Variants in COL24A1 observed in about 807,000 individuals in gnomAD.
COL24A1 encodes collagen type XXIV alpha 1 chain.
A neutral mutation model predicts 253.9 loss-of-function variants in COL24A1; 224 were observed. That is an observed-to-expected ratio of 0.88 (90% confidence interval 0.79 to 0.99). The LOEUF (loss-of-function observed/expected upper bound fraction) is 0.99, where lower values mean the gene tolerates loss of function less well. Ranked by LOEUF, COL24A1 falls within the 50% of genes least tolerant of loss-of-function variation. The probability of loss-of-function intolerance (pLI) is 0.00; values close to 1 mark genes in which losing one functional copy is unlikely to be tolerated. For synonymous variants in COL24A1, 685 were observed against 673.7 expected, an observed-to-expected ratio of 1.02 and a Z score of -0.26; for missense variants, 2,131 against 2,068.5, an observed-to-expected ratio of 1.03 and a Z score of -0.59.
chr1:85,885,125 T>C (rs1411952143), intron 32 of COL24A1, among the ~76,000 whole-genome samples: 5 of 152,136 alleles, frequency 3.3e-5, no homozygotes, highest in African/African-American at 1.2e-4. Flanking sequence ...TTTCAGTATG[T>C]CCATCTTTTT....
intron 19 of COL24A1, among the ~76,000 whole-genome samples, chr1:86,012,953 A>ATGGCGGTGG (rs1553258283): frequency 6.6e-6 from 1 of 151,690 alleles, no homozygotes; most frequent in Non-Finnish European, 1.5e-5. Context: ...GTCTTCAATT[A>ATGGCGGTGG]TGGTGGTGGT....
intron 37 of COL24A1, among the ~76,000 whole-genome samples, chr1:85,857,916 AT>A (rs1436363072): frequency 1.3e-5 from 2 of 152,264 alleles, no homozygotes; most frequent in Admixed American, 1.3e-4. Context: ...GTAAGTACAA[AT>A]TTGTTGCTCT....
At chr1:85,847,815 T>C (rs377376458) in intron 38 of COL24A1, 43 bp from the exon 39 acceptor site, 1 of 1,260,900 alleles carries the variant, frequency 7.9e-7, no homozygotes, top group Non-Finnish European at 1.2e-6. Flanking sequence ...GAAAAAAATT[T>C]ATACTTAGAT....
chr1:85,921,948 A>G (rs573251671), intron 24 of COL24A1, among the ~76,000 whole-genome samples: 3 of 152,336 alleles, frequency 2.0e-5, no homozygotes, highest in Admixed American at 6.5e-5. Flanking sequence ...GCCAACTAGA[A>G]TAAACAATGT....
chr1:85,917,312 T>C (rs1191459744), intron 24 of COL24A1, among the ~76,000 whole-genome samples: 1 of 152,200 alleles, frequency 6.6e-6, no homozygotes, highest in Admixed American at 6.5e-5. Flanking sequence ...TGTCTGTATA[T>C]AGAGTAGTGG....
intron 1 of COL24A1, among the ~76,000 whole-genome samples, chr1:86,149,567 T>G (rs904084426): frequency 6.6e-6 from 1 of 152,244 alleles, no homozygotes; most frequent in Admixed American, 6.5e-5. Flanking sequence ...ATGTCTCACC[T>G]GCCCAAGGTA....
At chr1:85,895,159 A>C (rs1683546404) in intron 31 of COL24A1, among the ~76,000 whole-genome samples, 1 of 152,096 alleles carries the variant, frequency 6.6e-6, no homozygotes, top group Non-Finnish European at 1.5e-5. Context: ...TGTGTGGGTA[A>C]ATCTTTAACA....
intron 5 of COL24A1, among the ~76,000 whole-genome samples, chr1:86,100,418 CCTTTT>C (rs1428465714): frequency 2.0e-5 from 3 of 151,976 alleles, no homozygotes; most frequent in Non-Finnish European, 4.4e-5. Flanking sequence ...TTGCTTCTTT[CCTTTT>C]ATTTTTCTTC....
At chr1:85,863,039 G>A (rs1214630688) in intron 37 of COL24A1, among the ~76,000 whole-genome samples, 1 of 152,178 alleles carries the variant, frequency 6.6e-6, no homozygotes, top group Non-Finnish European at 1.5e-5. Context: ...CACATCCCTT[G>A]TAAGTTGGAT....
intron 7 of COL24A1, among the ~76,000 whole-genome samples, chr1:86,077,202 C>T (rs546557744): frequency 3.2e-4 from 49 of 152,044 alleles, no homozygotes; most frequent in Non-Finnish European, 6.0e-4. Flanking sequence ...AGAGACTTCT[C>T]AAAGGAAGAC....
In COL24A1 at chr1:86,003,788, A is replaced by G. The variant is rs529008302; in HGVS notation, c.2310+13363T>C. 9.2e-3 allele frequency among the ~76,000 whole-genome samples: 908 copies of G among 98,758 alleles called. 28 individuals are homozygous for G. Among genetic ancestry groups the G allele is most frequent in the Admixed American group, 0.073 (709 of 9,754 alleles). The allele number at this position is 98,758 out of a possible 152,430, so 64.8% of individuals were successfully genotyped here. A position where few individuals can be genotyped will look rare whatever the true frequency, so the allele number is the denominator to read the frequency against. On this transcript the variant is annotated intron_variant, in intron 19 of 59. Coordinates refer to ENST00000370571, the MANE Select transcript of COL24A1 (RefSeq NM_152890.7). ...GTCAGGGGCCTGGGAGGAAAAAAAAATAGAGGAAGAGAGATCTGAGACAGA... is the reference window on the plus strand; with the variant it reads ...GTCAGGGGCCTGGGAGGAAAAAAAAGTAGAGGAAGAGAGATCTGAGACAGA...
intron 19 of COL24A1, among the ~76,000 whole-genome samples, chr1:86,008,053 A>C (rs1312153899): frequency 6.6e-6 from 1 of 152,204 alleles, no homozygotes; most frequent in African/African-American, 2.4e-5. Context: ...CACTACAATC[A>C]AGTAGAATAT....
chr1:85,991,304 G>A (rs1694242008), intron 19 of COL24A1, among the ~76,000 whole-genome samples: 1 of 152,128 alleles, frequency 6.6e-6, no homozygotes, highest in East Asian at 1.9e-4. Context: ...AATTTTAAGG[G>A]GGAAAACAGG....
In COL24A1 at chr1:85,877,938, T is replaced by C. The variant is rs1230463748; in HGVS notation, c.2977-763A>G. Among the ~76,000 whole-genome samples the C allele has an allele frequency of 2.0e-5, 3 of 152,314 alleles. No homozygotes were observed. In the South Asian group the frequency reaches 6.2e-4, roughly 32 times the overall value. ...CTTTTTTTTTACTGACTGTACAGTTTTACCCCTCAAGAGTGTCATATAGTT... is the reference window on the plus strand; with the variant it reads ...CTTTTTTTTTACTGACTGTACAGTTCTACCCCTCAAGAGTGTCATATAGTT... On this transcript the variant is annotated intron_variant, in intron 32 of 59. Transcript: ENST00000370571.
At chr1:85,967,050 A>ATGTAG (rs1691640421) in intron 22 of COL24A1, among the ~76,000 whole-genome samples, 1 of 152,230 alleles carries the variant, frequency 6.6e-6, no homozygotes, top group Admixed American at 6.5e-5. Flanking sequence ...TATCTTGAGT[A>ATGTAG]GTCAAAAGGA....
intron 42 of COL24A1, 67 bp from the exon 43 acceptor site, chr1:85,838,705 T>C: frequency 7.1e-7 from 1 of 1,410,686 alleles, no homozygotes; most frequent in Non-Finnish European, 1.0e-6. Context: ...ATGCAGGTGA[T>C]AAGATTAGTG....
intron 5 of COL24A1, among the ~76,000 whole-genome samples, chr1:86,099,976 A>G (rs1440745739): frequency 1.3e-5 from 2 of 152,134 alleles, no homozygotes; most frequent in Admixed American, 6.6e-5. Flanking sequence ...TTTAGGGTAC[A>G]TGTGCACTAT....
intron 59 of COL24A1, among the ~76,000 whole-genome samples, chr1:85,733,459 AT>A (rs1387287161): frequency 1.3e-5 from 2 of 152,220 alleles, no homozygotes; most frequent in African/African-American, 4.8e-5. Flanking sequence ...CTGTGTTCCA[AT>A]AAAAATTTAT....
At chr1:85,785,943 GTCTGT>G (rs1669638230) in intron 48 of COL24A1, among the ~76,000 whole-genome samples, 1 of 152,198 alleles carries the variant, frequency 6.6e-6, no homozygotes, top group Non-Finnish European at 1.5e-5. Flanking sequence ...CTAAGAAACA[GTCTGT>G]ACGGTTATCA....
Sources: allele counts gnomAD v4.1 joint callset (sites outside exome capture counted in the v4.1 genomes callset), GRCh38; gene constraint gnomAD v4.1.1; transcripts MANE v1.5; gene names NCBI Gene and HGNC (gene_info 2026-07-23, HGNC 2026-07-21).